ABLIM2: variants seen among roughly 807,000 people sequenced by gnomAD.
The protein encoded by ABLIM2 is actin binding LIM protein family member 2.
A neutral mutation model predicts 97.7 loss-of-function variants in ABLIM2; 53 were observed. That is an observed-to-expected ratio of 0.54 (90% CI 0.44 to 0.68). The LOEUF (loss-of-function observed/expected upper bound fraction) is 0.68. Among genes scored for constraint, ABLIM2 ranks in the 30% least tolerant of loss-of-function variants. ABLIM2 has a pLI of 0.00. For missense variants in ABLIM2, 835 were observed against 867.2 expected, an observed-to-expected ratio of 0.96 and a Z score of 0.47; for synonymous variants, 361 against 345.8, an observed-to-expected ratio of 1.04 and a Z score of -0.49.
chr4:7,987,896 T>C (rs529555692), intron 17 of ABLIM2, among the ~76,000 whole-genome samples: 8 of 152,176 alleles, frequency 5.3e-5, no homozygotes, highest in Non-Finnish European at 4.4e-5. Context: ...GAGAGCTAAG[T>C]GGCCAGAGGG....
chr4:8,024,729 C>T (rs1317366783), intron 12 of ABLIM2, among the ~76,000 whole-genome samples: 1 of 152,202 alleles, frequency 6.6e-6, no homozygotes, highest in Non-Finnish European at 1.5e-5. Flanking sequence ...TGACCTTGGG[C>T]TCTGCCAGAA....
chr4:8,113,006 T>C lies in ABLIM2; in HGVS notation c.11-6369A>G, dbSNP rs1406298288. Among the ~76,000 whole-genome samples the C allele has an allele frequency of 2.6e-5, 4 of 152,174 alleles. No individual in the cohort carries two copies. The highest frequency in any genetic ancestry group is 9.7e-5 in the African/African-American group (4 of 41,428). On this transcript the variant is annotated intron_variant, in intron 1 of 20. Coordinates refer to ENST00000447017, the MANE Select transcript of ABLIM2 (RefSeq NM_001130083.2). The surrounding 1 kb of genome is among the most constrained non-coding windows in gnomAD (Gnocchi z 4.5). ...AGGGACATGCCAGGCCAAAAGGGCA[T>C]AGGCAGGGGGGCAAACTCCTCTTTC... is the stretch of plus-strand genomic sequence containing the variant.
Position 8,148,215 on chromosome 4 carries a change from G to A in ABLIM2, c.10+10465C>T, listed in dbSNP as rs1353454570. 1.3e-5 allele frequency among the ~76,000 whole-genome samples: 2 copies of A among 152,236 alleles called. No homozygotes were observed. Among genetic ancestry groups the A allele is most frequent in the Non-Finnish European group, 2.9e-5 (2 of 68,046 alleles). On this transcript the variant is annotated intron_variant, in intron 1 of 20. Coordinates refer to ENST00000447017, the MANE Select transcript of ABLIM2 (RefSeq NM_001130083.2). This position sits in a 1 kb window ranked among gnomAD's most constrained non-coding sequence, Gnocchi z 6.7. Reference sequence around the variant, plus strand: ...GCGGCGGTGCAGCAGAAGCTCTCCTGTGGGGGCCCTGGGCCAGGCAGGTTC... The same window carrying A: ...GCGGCGGTGCAGCAGAAGCTCTCCTATGGGGGCCCTGGGCCAGGCAGGTTC...
chr4:7,985,714 A>T (rs1034400001), intron 17 of ABLIM2, among the ~76,000 whole-genome samples: 4 of 152,160 alleles, frequency 2.6e-5, no homozygotes, highest in South Asian at 2.1e-4. Context: ...ACAATGACTA[A>T]GGGTGACACT....
At chr4:8,143,862 G>T (rs1282036808) in intron 1 of ABLIM2, among the ~76,000 whole-genome samples, 1 of 152,228 alleles carries the variant, frequency 6.6e-6, no homozygotes, top group Non-Finnish European at 1.5e-5. Flanking sequence ...CAGCCCTGGG[G>T]TGGGGCCAGG....
At chr4:8,070,741 G>A (rs1279694880) in intron 6 of ABLIM2, among the ~76,000 whole-genome samples, 1 of 152,170 alleles carries the variant, frequency 6.6e-6, no homozygotes, top group African/African-American at 2.4e-5. Context: ...GTGAGGCCAG[G>A]AAGGGTCTAG....
At chr4:7,991,033 C>T (rs920994421) in intron 17 of ABLIM2, among the ~76,000 whole-genome samples, 2 of 152,214 alleles carry the variant, frequency 1.3e-5, no homozygotes, top group Non-Finnish European at 1.5e-5. Context: ...GCTCTCCTTC[C>T]CACCCCTTAG....
rs569212454 is a variant in ABLIM2 at position 7,970,607 on chromosome 4, C to T, written c.1825-3504G>A. Among the ~76,000 whole-genome samples, 1 of 151,686 alleles carries T rather than the reference C, an allele frequency of 6.6e-6. No individual in the cohort carries two copies. The highest frequency in any genetic ancestry group is 2.0e-4 in the East Asian group (1 of 5,092). On this transcript the variant is annotated intron_variant, in intron 20 of 20. Transcript: ENST00000447017. The surrounding 1 kb of genome is among the most constrained non-coding windows in gnomAD (Gnocchi z 5.3). ...AGGGCGATTCGAGGAAGACTTGGAG[C>T]TGGCGGGCAAGCAGGAAGGCTGGCA...
At position 8,029,788 on chromosome 4, in the gene ABLIM2, G is replaced by T; in HGVS notation, c.1048-12C>A. The T allele has an allele frequency of 6.4e-7, 1 of 1,567,464 alleles. No individual in the cohort carries two copies. Among genetic ancestry groups the T allele is most frequent in the South Asian group, 1.2e-5 (1 of 84,972 alleles). On this transcript the variant is annotated splice_polypyrimidine_tract_variant and intron_variant, in intron 10 of 20. Transcript: ENST00000447017. ...TCATCCTGATCCCCCTGGGAGGGAA[G>T]ATGCAGCTTGTGAACACTGGAGCCG...
rs1399763777 is a variant in ABLIM2, at chr4:8,085,114, T to C, written c.454+3055A>G. Among the ~76,000 whole-genome samples the C allele has an allele frequency of 6.6e-6, 1 of 152,022 alleles. No individual in the cohort carries two copies. The highest frequency in any genetic ancestry group is 2.4e-5 in the African/African-American group (1 of 41,386). ...GCGGCCCACCCTAAAGGATTTCTTG[T>C]TCCTAAGTGGCCTGCTTGGGGCAGC... On this transcript the variant is annotated intron_variant, in intron 4 of 20. Coordinates refer to ENST00000447017, the MANE Select transcript of ABLIM2 (RefSeq NM_001130083.2). The surrounding 1 kb of genome is among the most constrained non-coding windows in gnomAD (Gnocchi z 6.1).
At chr4:8,084,816 G>C (rs1822275484) in intron 4 of ABLIM2, among the ~76,000 whole-genome samples, 1 of 152,246 alleles carries the variant, frequency 6.6e-6, no homozygotes, top group Non-Finnish European at 1.5e-5. Flanking sequence ...CAAAGGCCCA[G>C]AGAGGGGACA....
rs1345538276 is a variant in ABLIM2 at position 8,106,531 on chromosome 4, C to T, written c.117G>A (p.Gln39=). ...AGCACTTGATGTGGAAGTACTTGTC[C>T]TGCACCCGCAGCACCTCGCCCTTGC... ...NVCKGEVLRV[Q]DKYFHIKCFV... The change falls in exon 2 of 21, where the codon CAG becomes CAA. Residue 39 remains glutamine, a synonymous_variant. Coordinates refer to ENST00000447017, the MANE Select transcript of ABLIM2 (RefSeq NM_001130083.2). 3.1e-6 allele frequency: 5 copies of T among 1,602,356 alleles called. No homozygotes were observed.
intron 8 of ABLIM2, among the ~76,000 whole-genome samples, chr4:8,048,556 C>G (rs1217918656): frequency 1.3e-5 from 2 of 152,202 alleles, no homozygotes; most frequent in Non-Finnish European, 2.9e-5. Context: ...GAGCAGAACT[C>G]CAATGCCAAG....
Position 7,992,754 on chromosome 4 carries a change from G to T in ABLIM2, c.1680+112C>A. The T allele has an allele frequency of 8.3e-7, 1 of 1,207,668 alleles. No homozygotes were observed. The highest frequency in any genetic ancestry group is 1.2e-6 in the Non-Finnish European group (1 of 840,676). The allele number at this position is 1,207,668 out of a possible 1,614,324, so 74.8% of individuals were successfully genotyped here. On this transcript the variant is annotated intron_variant, in intron 17 of 20. Coordinates refer to ENST00000447017, the MANE Select transcript of ABLIM2 (RefSeq NM_001130083.2). The surrounding 1 kb of genome is among the most constrained non-coding windows in gnomAD (Gnocchi z 5.7). ...GGCATCAGGCAGAGGCAGGTGGGCC[G>T]CGGGGTCCCCGGGGCCTCTCCTCCT... is the stretch of plus-strand genomic sequence containing the variant.
chr4:7,984,808 C>A (rs1742261767), intron 18 of ABLIM2, 31 bp downstream of exon 18: 1 of 1,566,392 alleles, frequency 6.4e-7, no homozygotes. Context: ...CTGCCCCAGC[C>A]AGAGACCCAC....
At chr4:8,055,703 C>T (rs1410086492) in intron 7 of ABLIM2, among the ~76,000 whole-genome samples, 1 of 152,150 alleles carries the variant, frequency 6.6e-6, no homozygotes, top group Non-Finnish European at 1.5e-5. Flanking sequence ...CATGGCGGCT[C>T]GTTTCTAGGG....
intron 8 of ABLIM2, among the ~76,000 whole-genome samples, chr4:8,048,893 G>A (rs951213752): frequency 2.0e-4 from 30 of 151,668 alleles, no homozygotes; most frequent in Non-Finnish European, 2.8e-4. Flanking sequence ...CACCTTCACC[G>A]TTCTCGGGGC....
chr4:8,077,808 C>T (rs1817244437), intron 5 of ABLIM2, 87 bp from the exon 6 acceptor site: 6 of 1,198,096 alleles, frequency 5.0e-6, no homozygotes, highest in Non-Finnish European at 7.2e-6. Context: ...GAGAGTCTGC[C>T]CTCAAAGTGG....
In ABLIM2 at chr4:8,019,643, C is replaced by T. The variant is rs1409099342; in HGVS notation, c.1398G>A (p.Arg466=). 6.2e-7 allele frequency: 1 copy of T among 1,612,068 alleles called. No individual in the cohort carries two copies. The highest frequency in any genetic ancestry group is 8.5e-7 in the Non-Finnish European group (1 of 1,179,268). ...PDTGVKDNIY[R]KPPIYRQHAA... ...CATGCTGTCTGTAGATAGGGGGTTTCCTATAGATGTTATCTTTTACGCCAG... is the reference window on the plus strand; with the variant it reads ...CATGCTGTCTGTAGATAGGGGGTTTTCTATAGATGTTATCTTTTACGCCAG... The change falls in exon 14 of 21, where the codon AGG becomes AGA. Residue 466 remains arginine (R), a synonymous_variant. Transcript: ENST00000447017. This position sits in a 1 kb window ranked among gnomAD's most constrained non-coding sequence, Gnocchi z 4.3.
Sources: gnomAD v4.1 joint callset for allele counts (sites outside exome capture counted in the v4.1 genomes callset) on GRCh38, gnomAD v4.1.1 for gene constraint, Gnocchi (gnomAD v3.1) non-coding constraint, MANE v1.5 for transcripts, NCBI Gene and HGNC (gene_info 2026-07-23, HGNC 2026-07-21) for gene names.